The following DSCAML1 variants were observed in gnomAD, a reference collection of about 807,000 sequenced individuals.
DSCAML1 encodes DS cell adhesion molecule like 1.
A neutral mutation model predicts 200.5 loss-of-function variants in DSCAML1; 38 were observed. The observed-to-expected ratio is 0.19, with a 90% CI of 0.15 to 0.25. The LOEUF (loss-of-function observed/expected upper bound fraction) is 0.25, where lower values mean the gene tolerates loss of function less well. Among genes scored for constraint, DSCAML1 ranks in the 10% least tolerant of loss-of-function variants. DSCAML1 has a pLI of 1.00. For synonymous variants in DSCAML1, 1,215 were observed against 1,165.0 expected (o/e 1.04, Z -0.87); for missense variants, 2,223 against 2,858.8 (o/e 0.78, Z 5.07).
At position 117,780,211 on chromosome 11, in the gene DSCAML1, G is replaced by GAA. The variant is rs1565280508; in HGVS notation, c.364+281_364+282insTT. ...AGAAAGAAAGAAAGAGAAAGAAAGA[G>GAA]AGAGAGAGAAAGAAAGAAAGGAAAG... On this transcript the variant is annotated intron_variant, in intron 2 of 32. Transcript: ENST00000651296. This position sits in a 1 kb window ranked among gnomAD's most constrained non-coding sequence, Gnocchi z 4.8. Among the ~76,000 whole-genome samples, 1 of 59,948 alleles carries GAA rather than the reference G, an allele frequency of 1.7e-5. No individual in the cohort carries two copies. Among genetic ancestry groups the GAA allele is most frequent in the Admixed American group, 1.7e-4 (1 of 5,776 alleles). The allele number at this position is 59,948 out of a possible 152,430, so 39.3% of individuals were successfully genotyped here. A position where few individuals can be genotyped will look rare whatever the true frequency, so the allele number is the denominator to read the frequency against.
At chr11:117,450,723 A>G in intron 19 of DSCAML1, 35 bp from the exon 20 acceptor site, 1 of 1,604,866 alleles carries the variant, frequency 6.2e-7, no homozygotes, top group South Asian at 1.1e-5. Context: ...GTTGAGAGAA[A>G]GCAGGAGCAC....
chr11:117,491,197 G>C (rs1440416924), intron 11 of DSCAML1, among the ~76,000 whole-genome samples: 2 of 152,182 alleles, frequency 1.3e-5, no homozygotes, highest in East Asian at 3.8e-4. Flanking sequence ...AACTCCAAAA[G>C]GAAGCCTGGG....
At position 117,518,576 on chromosome 11, in the gene DSCAML1, ATGG is replaced by A. The variant is rs770031627; in HGVS notation, c.1397_1399del (p.Thr466del). On this transcript the variant is annotated inframe_deletion, in exon 7 of 33. Transcript: ENST00000651296. This position sits in a 1 kb window ranked among gnomAD's most constrained non-coding sequence, Gnocchi z 6.3. ...GGGGCCTGTGACGTTCATGTGGCTG[ATGG>A]TGGTGCCGTCCGACATGGTGTACTG... 3 of 1,614,096 alleles carry A rather than the reference ATGG, an allele frequency of 1.9e-6. No homozygotes were observed. The highest frequency in any genetic ancestry group is 2.2e-5 in the East Asian group (1 of 44,876).
chr11:117,552,579 C>T (rs896712058), intron 3 of DSCAML1, among the ~76,000 whole-genome samples: 2 of 152,096 alleles, frequency 1.3e-5, no homozygotes, highest in African/African-American at 2.4e-5. Context: ...CAGAGATTAA[C>T]GAAATCCTAC....
chr11:117,703,300 G>A (rs573795984), intron 3 of DSCAML1, among the ~76,000 whole-genome samples: 13 of 152,274 alleles, frequency 8.5e-5, no homozygotes, highest in South Asian at 2.1e-4. Flanking sequence ...ACACTCCAAC[G>A]GGGAGCTGGA....
chr11:117,631,756 C>CCATCCAG (rs57305665), intron 3 of DSCAML1, among the ~76,000 whole-genome samples: 59,451 of 151,688 alleles, frequency 0.39, 13,328 homozygotes, highest in Admixed American at 0.55. Context: ...ACTCATCTAA[C>CCATCCAG]CATCCAGCCA....
intron 24 of DSCAML1, among the ~76,000 whole-genome samples, chr11:117,438,378 G>A (rs1455849223): frequency 1.3e-5 from 2 of 152,138 alleles, no homozygotes; most frequent in Non-Finnish European, 2.9e-5. Context: ...GGTTCGGGAG[G>A]GGAGAAAACC....
intron 1 of DSCAML1, among the ~76,000 whole-genome samples, chr11:117,793,609 G>T (rs1016388110): frequency 6.6e-6 from 1 of 152,058 alleles, no homozygotes; most frequent in Non-Finnish European, 1.5e-5. Flanking sequence ...GTGTCTGGGG[G>T]CTCCTAGCCA....
At position 117,486,459 on chromosome 11, in the gene DSCAML1, CGGATGTGAAAATGGT is replaced by C. The variant is rs943043186; in HGVS notation, c.2360-4312_2360-4298del. Among the ~76,000 whole-genome samples the C allele has an allele frequency of 9.4e-4, 48 of 51,294 alleles. 2 individuals carry two copies. The highest frequency in any genetic ancestry group is 5.8e-3 in the South Asian group (9 of 1,556). The allele number at this position is 51,294 out of a possible 152,430, so 33.7% of individuals were successfully genotyped here. A position where few individuals can be genotyped will look rare whatever the true frequency, so the allele number is the denominator to read the frequency against. On this transcript the variant is annotated intron_variant, in intron 11 of 32. Transcript: ENST00000651296. Reference sequence around the variant, plus strand: ...GTGAAAGTGGCAGATATGAAAGTAGCGGATGTGAAAATGGTGGATGTGAAAATGGTGGATGTGAAA... The same window carrying C: ...GTGAAAGTGGCAGATATGAAAGTAGCGGATGTGAAAATGGTGGATGTGAAA...
intron 1 of DSCAML1, among the ~76,000 whole-genome samples, chr11:117,816,551 TCTC>T (rs1157742126): frequency 6.6e-6 from 1 of 151,964 alleles, no homozygotes; most frequent in East Asian, 1.9e-4. Context: ...AGGCGACTAA[TCTC>T]CCCCACAGCA....
intron 11 of DSCAML1, among the ~76,000 whole-genome samples, chr11:117,497,914 C>T (rs995530465): frequency 6.6e-6 from 1 of 152,252 alleles, no homozygotes; most frequent in Non-Finnish European, 1.5e-5. Flanking sequence ...GCAGATGCAG[C>T]AGAGAGTCCA....
chr11:117,673,715 C>T (rs2053156153), intron 3 of DSCAML1, among the ~76,000 whole-genome samples: 1 of 152,208 alleles, frequency 6.6e-6, no homozygotes, highest in African/African-American at 2.4e-5. Flanking sequence ...GTGGGGGTGG[C>T]TCAGGAAGAG....
chr11:117,815,946 G>A (rs1456253655), intron 1 of DSCAML1, among the ~76,000 whole-genome samples: 3 of 151,980 alleles, frequency 2.0e-5, no homozygotes, highest in Non-Finnish European at 4.4e-5. Context: ...TTGGGGAGCT[G>A]CCACTCCTGA....
At chr11:117,534,546 C>G (rs1459758255) in intron 3 of DSCAML1, among the ~76,000 whole-genome samples, 1 of 152,204 alleles carries the variant, frequency 6.6e-6, no homozygotes, top group Non-Finnish European at 1.5e-5. Context: ...CTCCCTCATA[C>G]ACTGGAAGGC....
At position 117,629,412 on chromosome 11, in the gene DSCAML1, T is replaced by C. The variant is rs547226538; in HGVS notation, c.512-96890A>G. 3.9e-5 allele frequency among the ~76,000 whole-genome samples: 6 copies of C among 151,974 alleles called. No homozygotes were observed. The East Asian group carries it at 1.2e-3, about 29-fold the overall frequency. On this transcript the variant is annotated intron_variant, in intron 3 of 32. Coordinates refer to ENST00000651296, the MANE Select transcript of DSCAML1 (RefSeq NM_020693.4). The stretch of plus-strand genomic sequence containing the variant: ...GAAGCTGATGGCTGCCCACGCTGAG[T>C]GCTGTAGGGCTCAGAGTACTGGGGG...
chr11:117,704,223 T>A (rs1473744902), intron 3 of DSCAML1, among the ~76,000 whole-genome samples: 2 of 151,712 alleles, frequency 1.3e-5, no homozygotes, highest in African/African-American at 4.8e-5. Flanking sequence ...ATAATAATAA[T>A]AAAAATCCCC....
At chr11:117,471,727 G>T in intron 15 of DSCAML1, 142 bp downstream of exon 15, 2 of 745,770 alleles carry the variant, frequency 2.7e-6, no homozygotes, top group Non-Finnish European at 3.8e-6. Context: ...TCCAGAGGTG[G>T]ACACAAACAT....
intron 4 of DSCAML1, among the ~76,000 whole-genome samples, chr11:117,529,816 A>G (rs977133409): frequency 2.6e-5 from 4 of 151,848 alleles, no homozygotes; most frequent in African/African-American, 9.7e-5. Context: ...ACCCAAGTGC[A>G]ATGGGGAGGG....
At chr11:117,637,557 G>C (rs1312518883) in intron 3 of DSCAML1, among the ~76,000 whole-genome samples, 3 of 152,116 alleles carry the variant, frequency 2.0e-5, no homozygotes. Flanking sequence ...ATGTTGGTCA[G>C]TCTGGTCTCA....
Sources: gnomAD v4.1 joint callset for allele counts (sites outside exome capture counted in the v4.1 genomes callset) on GRCh38, gnomAD v4.1.1 for gene constraint, Gnocchi (gnomAD v3.1) non-coding constraint, MANE v1.5 for transcripts, NCBI Gene and HGNC (gene_info 2026-07-23, HGNC 2026-07-21) for gene names.